The following DYSF variants were observed in gnomAD, a reference collection of about 807,000 sequenced individuals.
DYSF encodes dystrophy-associated fer-1-like 1.
A neutral mutation model predicts 274.9 loss-of-function variants in DYSF; 212 were observed. The observed-to-expected ratio is 0.77, with a 90% confidence interval of 0.69 to 0.86. The LOEUF is 0.86. Among genes scored for constraint, DYSF ranks in the 40% least tolerant of loss-of-function variants. DYSF has a pLI of 0.00. For missense variants in DYSF, 2,666 were observed against 2,783.2 expected, an observed-to-expected ratio of 0.96 and a Z score of 0.95; for synonymous variants, 1,091 against 1,078.7, an observed-to-expected ratio of 1.01 and a Z score of -0.22.
chr2:71,495,335 G>C (rs923620923), intron 3 of DYSF, among the ~76,000 whole-genome samples: 8 of 152,234 alleles, frequency 5.3e-5, no homozygotes, highest in Non-Finnish European at 1.2e-4. Context: ...CACGCAGCTG[G>C]TCAGATTGCA....
chr2:71,546,663 C>T (rs189148024), intron 17 of DYSF, among the ~76,000 whole-genome samples: 1 of 152,354 alleles, frequency 6.6e-6, no homozygotes, highest in African/African-American at 2.4e-5. Flanking sequence ...ACATAGGAAA[C>T]TCATGCTCCA....
chr2:71,668,824 C>T lies in DYSF; in HGVS notation c.5528C>T (p.Thr1843Ile), dbSNP rs886056283. The T allele has an allele frequency of 5.0e-6, 8 of 1,613,516 alleles. No homozygotes were observed. The Admixed American group carries it at 5.0e-5, about 10-fold the overall frequency. ...CGGCCTGGACCTCCCTTCAACATCACCCCACGGAGAGCCAGAAGGTGACTT... is the reference window on the plus strand; with the variant it reads ...CGGCCTGGACCTCCCTTCAACATCATCCCACGGAGAGCCAGAAGGTGACTT... ...LGRPGPPFNITPRRARRFFLR... is the reference protein window; with the variant it reads ...LGRPGPPFNIIPRRARRFFLR... Residue 1843 changes from threonine to isoleucine, a missense_variant, in exon 49 of 56, where the codon ACC becomes ATC. Coordinates refer to ENST00000410020, the MANE Select transcript of DYSF (RefSeq NM_001130987.2).
At chr2:71,560,152 T>C (rs2091632113) in intron 22 of DYSF, among the ~76,000 whole-genome samples, 1 of 152,178 alleles carries the variant, frequency 6.6e-6, no homozygotes, top group Admixed American at 6.5e-5. Flanking sequence ...CCCCCTGCCT[T>C]GGGCTTTCCT....
At chr2:71,685,951 G>A (rs1042813961) in intron 55 of DYSF, among the ~76,000 whole-genome samples, 21 of 152,140 alleles carry the variant, frequency 1.4e-4, no homozygotes, top group African/African-American at 4.6e-4. Context: ...GGTCATCCAC[G>A]ACAGCCCATC....
intron 3 of DYSF, among the ~76,000 whole-genome samples, chr2:71,494,912 C>A (rs142723204): frequency 1.3e-5 from 2 of 152,290 alleles, no homozygotes; most frequent in Admixed American, 6.5e-5. Context: ...CAGGAATGAT[C>A]AAAAAGAAAT....
At chr2:71,644,557 TCCTGACC>T in intron 42 of DYSF, among the ~76,000 whole-genome samples, 1 of 152,272 alleles carries the variant, frequency 6.6e-6, no homozygotes, top group East Asian at 1.9e-4. Context: ...GAGAATGTAC[TCCTGACC>T]CCTAACTCCT....
At chr2:71,577,355 GCACA>G (rs1301581449) in intron 30 of DYSF, among the ~76,000 whole-genome samples, 8 of 149,778 alleles carry the variant, frequency 5.3e-5, no homozygotes, top group African/African-American at 1.5e-4. Flanking sequence ...ACACCAATAA[GCACA>G]CTAACGCACA....
At chr2:71,560,866 G>A (rs746427928) in intron 22 of DYSF, among the ~76,000 whole-genome samples, 55 of 152,064 alleles carry the variant, frequency 3.6e-4, no homozygotes, top group Non-Finnish European at 6.5e-4. Context: ...GGGGTGAGGT[G>A]GGGGCAGGGC....
intron 16 of DYSF, among the ~76,000 whole-genome samples, chr2:71,537,232 T>G (rs1365714732): frequency 1.4e-4 from 20 of 143,160 alleles, no homozygotes; most frequent in African/African-American, 5.3e-4. Flanking sequence ...TGTTTTTTTT[T>G]TTTTTTTTTT....
At chr2:71,600,535 C>A (rs1032414154) in intron 33 of DYSF, among the ~76,000 whole-genome samples, 167 bp from the exon 34 acceptor site, 29 of 152,322 alleles carry the variant, frequency 1.9e-4, no homozygotes, top group Middle Eastern at 3.4e-3. Context: ...CTTGTTTTGT[C>A]CTTGAGTCCT....
chr2:71,567,746 G>A (rs1023979243), intron 24 of DYSF, among the ~76,000 whole-genome samples: 1 of 152,026 alleles, frequency 6.6e-6, no homozygotes, highest in South Asian at 2.1e-4. Context: ...AGGAATCTTG[G>A]TGAGGGGTAG....
At chr2:71,490,673 G>T (rs1573475835) in intron 3 of DYSF, among the ~76,000 whole-genome samples, 1 of 152,320 alleles carries the variant, frequency 6.6e-6, no homozygotes, top group Admixed American at 6.5e-5. Flanking sequence ...ACAGGCATCT[G>T]TTTATACACA....
At chr2:71,591,303 G>A (rs934336887) in intron 32 of DYSF, among the ~76,000 whole-genome samples, 2 of 152,154 alleles carry the variant, frequency 1.3e-5, no homozygotes, top group Non-Finnish European at 2.9e-5. Context: ...TCAGCACTTG[G>A]CCAGTGCCTT....
At chr2:71,660,452 A>G in intron 44 of DYSF, 108 bp from the exon 45 acceptor site, 1 of 950,522 alleles carries the variant, frequency 1.1e-6, no homozygotes. Flanking sequence ...CCACATCTCA[A>G]CTTCCTGATG....
intron 50 of DYSF, among the ~76,000 whole-genome samples, 160 bp downstream of exon 50, chr2:71,669,367 C>G (rs2095077644): frequency 6.6e-6 from 1 of 152,182 alleles, no homozygotes; most frequent in Non-Finnish European, 1.5e-5. Flanking sequence ...GGAAATCGCT[C>G]TCCCACCAGA....
rs546343910 is a variant in DYSF, at chr2:71,484,244, G to A, written c.239+2274G>A. Among the ~76,000 whole-genome samples the A allele has an allele frequency of 8.6e-5, 13 of 151,858 alleles. No individual in the cohort carries two copies. The East Asian group carries it at 1.4e-3, about 16-fold the overall frequency. ...ATTTTTGTATTTTTAGTAGAGACAG[G>A]GTTCCTCCATGTTGGCCAGAGCAGT... On this transcript the variant is annotated intron_variant, in intron 3 of 55. Transcript: ENST00000410020.
At chr2:71,634,595 A>T (rs1272658505) in intron 41 of DYSF, among the ~76,000 whole-genome samples, 1 of 152,206 alleles carries the variant, frequency 6.6e-6, no homozygotes, top group Admixed American at 6.5e-5. Flanking sequence ...TTAAAAATAT[A>T]ACTTTATTTT....
At chr2:71,499,293 C>T (rs1033574059) in intron 3 of DYSF, among the ~76,000 whole-genome samples, 1 of 152,180 alleles carries the variant, frequency 6.6e-6, no homozygotes, top group Non-Finnish European at 1.5e-5. Flanking sequence ...TGAAGATTTT[C>T]CATGTAAGTG....
At chr2:71,589,852 T>C (rs538416788) in intron 31 of DYSF, among the ~76,000 whole-genome samples, 166 bp downstream of exon 31, 80 of 152,212 alleles carry the variant, frequency 5.3e-4, no homozygotes, top group African/African-American at 1.7e-3. Flanking sequence ...TGTGCGCGCG[T>C]GCGTGCACGT....
Sources: allele counts gnomAD v4.1 joint callset (sites outside exome capture counted in the v4.1 genomes callset), GRCh38; gene constraint gnomAD v4.1.1; transcripts MANE v1.5; gene names NCBI Gene and HGNC (gene_info 2026-07-23, HGNC 2026-07-21).